The following FBXO17 variants were observed in gnomAD, a reference collection of about 807,000 sequenced individuals.
FBXO17 encodes the protein F-box protein 17, also known as F-box only protein 17.
Under a neutral mutation model 34.1 loss-of-function variants are expected in FBXO17, and 43 were observed. That is an observed-to-expected ratio of 1.26 (90% confidence interval 0.99 to 1.62). The LOEUF (loss-of-function observed/expected upper bound fraction) is 1.62. Among genes scored for constraint, FBXO17 ranks in the 40% most tolerant of loss-of-function variants. The probability of loss-of-function intolerance (pLI) is 0.00; values close to 1 mark genes in which losing one functional copy is unlikely to be tolerated. For synonymous variants in FBXO17, 169 were observed against 166.0 expected (o/e 1.02, Z -0.14); for missense variants, 424 against 386.7 (o/e 1.10, Z -0.81).
chr19:38,963,642 G>T (rs1975282723), intron 1 of FBXO17, among the ~76,000 whole-genome samples: 1 of 152,014 alleles, frequency 6.6e-6, no homozygotes, highest in African/African-American at 2.4e-5. Context: ...TTATTGCTGG[G>T]TAATAGTCCA....
At chr19:38,951,940 C>T (rs1033942042) in intron 1 of FBXO17, among the ~76,000 whole-genome samples, 2 of 152,230 alleles carry the variant, frequency 1.3e-5, no homozygotes, top group South Asian at 2.1e-4. Flanking sequence ...TGAGCCACCA[C>T]GCTCGGCCCG....
rs765205614 is a variant in FBXO17 at position 38,945,066 on chromosome 19, A to T, written c.596T>A (p.Leu199His). 2 of 1,614,078 alleles carry T rather than the reference A, an allele frequency of 1.2e-6. No individual in the cohort carries two copies. Among genetic ancestry groups the T allele is most frequent in the African/African-American group, 2.7e-5 (2 of 74,932 alleles). ...ARENCGCVYQLRVRLLDVYEK... is the reference protein window; with the variant it reads ...ARENCGCVYQHRVRLLDVYEK... ...ATACACATCCAGAAGGCGGACCCGG[A>T]GCTGGTAGACGCAGCCGCAGTTCTC... is the stretch of plus-strand genomic sequence containing the variant. Residue 199 changes from leucine to histidine, a missense_variant, in exon 5 of 6, where the codon CTC becomes CAC. Transcript: ENST00000292852.
At chr19:38,969,717 C>T (rs539663214) in intron 1 of FBXO17, among the ~76,000 whole-genome samples, 1 of 150,498 alleles carries the variant, frequency 6.6e-6, no homozygotes, top group Non-Finnish European at 1.5e-5. Context: ...GTGCCTCAGA[C>T]TCCCAGGTAG....
intron 1 of FBXO17, among the ~76,000 whole-genome samples, chr19:38,953,612 GA>G (rs1489103903): frequency 2.0e-5 from 3 of 152,066 alleles, no homozygotes; most frequent in Non-Finnish European, 2.9e-5. Context: ...AATGAGCTGA[GA>G]TCGCACCACT....
rs1022942063 is a variant in FBXO17 at position 38,962,128 on chromosome 19, A to G, written c.-17-11792T>C. Among the ~76,000 whole-genome samples, 14 of 128,144 alleles carry G rather than the reference A, an allele frequency of 1.1e-4. No individual in the cohort carries two copies. The Admixed American group carries it at 1.2e-3, about 11-fold the overall frequency. 84.1% of individuals were successfully genotyped at this position (128,144 alleles called of 152,430 possible). A position where few individuals can be genotyped will look rare whatever the true frequency, so the allele number is the denominator to read the frequency against. ...TGTTAAAAAAAAAAAAAAAAAAAAAAGCTCCGGGAACGGTGGCTTACGCCT... is the reference window on the plus strand; with the variant it reads ...TGTTAAAAAAAAAAAAAAAAAAAAAGGCTCCGGGAACGGTGGCTTACGCCT... On this transcript the variant is annotated intron_variant, in intron 1 of 5. Coordinates refer to ENST00000292852, the MANE Select transcript of FBXO17 (RefSeq NM_024907.7).
At position 38,975,258 on chromosome 19, in the gene FBXO17, T is replaced by A. The variant is rs1975445693; in HGVS notation, c.-18+328A>T. Among the ~76,000 whole-genome samples the A allele has an allele frequency of 6.6e-6, 1 of 152,234 alleles. No homozygotes were observed. Among genetic ancestry groups the A allele is most frequent in the Non-Finnish European group, 1.5e-5 (1 of 68,048 alleles). ...GGGCTGTTGCGCCCACGTGTTGGTT[T>A]GCAGCGTTTGGCAGGGGTTTTGGAT... On this transcript the variant is annotated intron_variant, in intron 1 of 5. Coordinates refer to ENST00000292852, the MANE Select transcript of FBXO17 (RefSeq NM_024907.7). The surrounding 1 kb of genome is among the most constrained non-coding windows in gnomAD (Gnocchi z 4.9).
intron 1 of FBXO17, among the ~76,000 whole-genome samples, chr19:38,966,497 T>A (rs1470461131): frequency 6.6e-6 from 1 of 152,136 alleles, no homozygotes; most frequent in African/African-American, 2.4e-5. Context: ...CAATGGGCCA[T>A]GCAAATTATG....
At position 38,950,246 on chromosome 19, in the gene FBXO17, AG is replaced by A. The variant is rs1975060963; in HGVS notation, c.73del (p.Leu25CysfsTer6). On this transcript the variant is annotated frameshift_variant, in exon 2 of 6. Coordinates refer to ENST00000292852, the MANE Select transcript of FBXO17 (RefSeq NM_024907.7). LOFTEE classifies it high-confidence loss of function. The stretch of plus-strand genomic sequence containing the variant: ...CACGTGGCTCAGCACCTGCACCAGC[AG>A]CTCCGGGGGCAGCGCGTCCAGGGCC... The part of the protein sequence containing the change: ...SLALDALPPE[L>X]LVQVLSHVPP... 1 of 1,520,694 alleles carries A rather than the reference AG, an allele frequency of 6.6e-7. No homozygotes were observed. Among genetic ancestry groups the A allele is most frequent in the Non-Finnish European group, 8.8e-7 (1 of 1,141,906 alleles). 94.2% of individuals were successfully genotyped at this position (1,520,694 alleles called of 1,614,324 possible).
At chr19:38,968,073 T>C (rs762753350) in intron 1 of FBXO17, among the ~76,000 whole-genome samples, 8 of 152,116 alleles carry the variant, frequency 5.3e-5, no homozygotes, top group Non-Finnish European at 1.0e-4. Flanking sequence ...CGGTGGCTCA[T>C]ACCTGTAATC....
chr19:38,943,462 CG>C (rs1339877942), intron 5 of FBXO17, among the ~76,000 whole-genome samples: 1 of 151,530 alleles, frequency 6.6e-6, no homozygotes, highest in Non-Finnish European at 1.5e-5. Flanking sequence ...TTAGTAGAGA[CG>C]GGGGTTTTGC....
At chr19:38,957,928 CCTCT>C (rs1158045710) in intron 1 of FBXO17, among the ~76,000 whole-genome samples, 2 of 151,796 alleles carry the variant, frequency 1.3e-5, no homozygotes, top group Admixed American at 6.6e-5. Context: ...ATGACGAAAC[CCTCT>C]CTCTACAAAA....
intron 1 of FBXO17, among the ~76,000 whole-genome samples, chr19:38,961,718 G>A (rs1975252921): frequency 6.6e-6 from 1 of 151,976 alleles, no homozygotes; most frequent in Admixed American, 6.6e-5. Flanking sequence ...CTGGAGTGCA[G>A]GGGCGCGATT....
At chr19:38,958,054 C>T (rs945560798) in intron 1 of FBXO17, among the ~76,000 whole-genome samples, 3 of 144,998 alleles carry the variant, frequency 2.1e-5, no homozygotes, top group Admixed American at 7.1e-5. Flanking sequence ...TGTGGTGAAT[C>T]GTGAAGGGGC....
chr19:38,969,002 G>C (rs1975355877), intron 1 of FBXO17, among the ~76,000 whole-genome samples: 1 of 152,050 alleles, frequency 6.6e-6, no homozygotes, highest in African/African-American at 2.4e-5. Flanking sequence ...AAGCCACAAA[G>C]TTGTCCACTT....
At chr19:38,944,172 C>G (rs1275607198) in intron 5 of FBXO17, among the ~76,000 whole-genome samples, 2 of 152,110 alleles carry the variant, frequency 1.3e-5, no homozygotes, top group African/African-American at 4.8e-5. Flanking sequence ...TGCTTCATTT[C>G]TTTTCCGTGG....
intron 1 of FBXO17, among the ~76,000 whole-genome samples, chr19:38,965,381 T>G (rs1975306306): frequency 6.6e-6 from 1 of 151,560 alleles, no homozygotes; most frequent in Non-Finnish European, 1.5e-5. Flanking sequence ...CAGGCTGGAG[T>G]GCATGACACA....
intron 1 of FBXO17, among the ~76,000 whole-genome samples, chr19:38,957,439 C>A (rs949403139): frequency 6.7e-6 from 1 of 150,110 alleles, no homozygotes; most frequent in Non-Finnish European, 1.5e-5. Context: ...CTCCGCCTCC[C>A]GGGTTCAAGC....
chr19:38,973,159 G>A (rs1975412030), intron 1 of FBXO17, among the ~76,000 whole-genome samples: 1 of 152,166 alleles, frequency 6.6e-6, no homozygotes, highest in African/African-American at 2.4e-5. Context: ...TGGATCACGA[G>A]GTCAGGAGTT....
At chr19:38,945,475 CCT>C (rs1212427428) in intron 4 of FBXO17, 3 of 149,908 alleles carry the variant, frequency 2.0e-5, no homozygotes, top group Non-Finnish European at 2.4e-5. Context: ...GGAGCCAGAG[CCT>C]GGGGGAGGGG....
Sources: allele counts gnomAD v4.1 joint callset (sites outside exome capture counted in the v4.1 genomes callset), GRCh38; gene constraint gnomAD v4.1.1; non-coding constraint Gnocchi (gnomAD v3.1); transcripts MANE v1.5; gene names NCBI Gene and HGNC (gene_info 2026-07-23, HGNC 2026-07-21).